PVR: variants seen among roughly 807,000 people sequenced by gnomAD.
PVR encodes PVR cell adhesion molecule.
Under a neutral mutation model 43.3 loss-of-function variants are expected in PVR, and 39 were observed. That is an observed-to-expected ratio of 0.90 (90% CI 0.70 to 1.18). PVR has a LOEUF of 1.18. Among genes scored for constraint, PVR ranks in the 50% most tolerant of loss-of-function variants. The pLI, the probability that PVR is intolerant of heterozygous loss-of-function variation, is 0.00. For synonymous variants in PVR, 224 were observed against 233.2 expected (o/e 0.96, Z 0.36); for missense variants, 480 against 549.7 (o/e 0.87, Z 1.27).
chr19:44,657,786 T>C lies in PVR; in HGVS notation c.867T>C (p.Phe289=). 6.2e-7 allele frequency: 1 copy of C among 1,614,146 alleles called. No homozygotes were observed. Among genetic ancestry groups the C allele is most frequent in the Non-Finnish European group, 8.5e-7 (1 of 1,180,002 alleles). ...GGACCATGGGTCCCCTGCCACCCTTTGCTGTGGCCCAGGGCGCCCAGCTCC... is the reference window on the plus strand; with the variant it reads ...GGACCATGGGTCCCCTGCCACCCTTCGCTGTGGCCCAGGGCGCCCAGCTCC... ...WSTTMGPLPP[F]AVAQGAQLLI... The change falls in exon 5 of 8, where the codon TTT becomes TTC. Residue 289 remains phenylalanine (F), a synonymous_variant. Coordinates refer to ENST00000425690, the MANE Select transcript of PVR (RefSeq NM_006505.5).
chr19:44,649,933 C>T lies in PVR; in HGVS notation c.552C>T (p.Gly184=), dbSNP rs528582977. Residue 184 remains glycine (G), a synonymous_variant, in exon 3 of 8, where the codon GGC becomes GGT. Coordinates refer to ENST00000425690, the MANE Select transcript of PVR (RefSeq NM_006505.5). ...PAQITWHSDL[G]GMPNTSQVPG... is the part of the protein sequence containing the mutation. The stretch of plus-strand genomic sequence containing the variant: ...AAATCACCTGGCACTCAGACCTGGG[C>T]GGGATGCCCAATACGAGCCAGGTGC... 68 of 1,612,150 alleles carry T rather than the reference C, an allele frequency of 4.2e-5. No homozygotes were observed. The Middle Eastern group carries it at 5.0e-4, about 12-fold the overall frequency.
intron 2 of PVR, 73 bp from the exon 3 acceptor site, chr19:44,649,730 TCCTGTA>T: frequency 1.3e-6 from 2 of 1,489,786 alleles, no homozygotes; most frequent in Admixed American, 3.5e-5. Context: ...AACCATGCCA[TCCTGTA>T]CCCTTAATGA....
chr19:44,650,139 C>T (rs1973240060), intron 3 of PVR, 34 bp downstream of exon 3: 1 of 1,493,818 alleles, frequency 6.7e-7, no homozygotes, highest in South Asian at 1.4e-5. Context: ...GGCAAGAACC[C>T]CTGCCGGGCT....
At chr19:44,650,823 A>G (rs1382846452) in intron 3 of PVR, among the ~76,000 whole-genome samples, 3 of 151,812 alleles carry the variant, frequency 2.0e-5, no homozygotes, top group African/African-American at 4.8e-5. Context: ...TCAGCCTCCC[A>G]AAGTATGCTG....
At chr19:44,647,085 C>CCCCCCCACCCCA in intron 1 of PVR, 138 bp from the exon 2 acceptor site, 1 of 395,086 alleles carries the variant, frequency 2.5e-6, no homozygotes, top group Non-Finnish European at 4.4e-6. Context: ...GTTCCCCCTC[C>CCCCCCCACCCCA]CCCCACACCC....
chr19:44,657,808 C>T lies in PVR; in HGVS notation c.889C>T (p.Leu297Phe), dbSNP rs746583126. The change falls in exon 5 of 8, where the codon CTC (leucine) becomes TTC (phenylalanine). Residue 297 changes from leucine to phenylalanine, a missense_variant. Leu to Phe is a conservative substitution (Grantham distance 22, BLOSUM62 0). Coordinates refer to ENST00000425690, the MANE Select transcript of PVR (RefSeq NM_006505.5). ...CTTTGCTGTGGCCCAGGGCGCCCAGCTCCTGATCCGTCCTGTGGACAAACC... is the reference window on the plus strand; with the variant it reads ...CTTTGCTGTGGCCCAGGGCGCCCAGTTCCTGATCCGTCCTGTGGACAAACC... The part of the protein sequence containing the change: ...PPFAVAQGAQ[L>F]LIRPVDKPIN... 79 of 1,613,986 alleles carry T rather than the reference C, an allele frequency of 4.9e-5. No homozygotes were observed. Among genetic ancestry groups the T allele is most frequent in the Non-Finnish European group, 5.9e-5 (70 of 1,179,998 alleles).
intron 4 of PVR, among the ~76,000 whole-genome samples, chr19:44,656,775 G>C (rs946231440): frequency 6.6e-6 from 1 of 152,108 alleles, no homozygotes; most frequent in African/African-American, 2.4e-5. Context: ...TTCAAGACCA[G>C]CCTGGCCAAC....
rs978216974 is a variant in PVR, at chr19:44,647,514, T to C, written c.371T>C (p.Leu124Pro). 4.3e-6 allele frequency: 7 copies of C among 1,613,892 alleles called. 1 individual carries two copies. The African/African-American group carries it at 8.0e-5, about 18-fold the overall frequency. The change falls in exon 2 of 8, where the codon CTG becomes CCG. Residue 124 changes from leucine (L) to proline (P), a missense_variant. By Grantham distance (98) the Leu-to-Pro change is moderately conservative (BLOSUM62 -3). Coordinates refer to ENST00000425690, the MANE Select transcript of PVR (RefSeq NM_006505.5). ...GAGGATGAAGGCAACTACACCTGCC[T>C]GTTCGTCACGTTCCCGCAGGGCAGC... ...RVEDEGNYTCLFVTFPQGSRS... is the reference protein window; with the variant it reads ...RVEDEGNYTCPFVTFPQGSRS...
chr19:44,648,198 A>G (rs564941897), intron 2 of PVR, among the ~76,000 whole-genome samples: 4 of 152,184 alleles, frequency 2.6e-5, no homozygotes, highest in Non-Finnish European at 5.9e-5. Context: ...TGAGGCACAG[A>G]CTTGCCCAAG....
chr19:44,665,470 T>C lies in PVR; in HGVS notation c.*3659T>C, dbSNP rs1973690342. 6.6e-6 allele frequency: 1 copy of C among 151,694 alleles called. No homozygotes were observed. 9.4% of individuals were successfully genotyped at this position (151,694 alleles called of 1,614,324 possible). On this transcript the variant is annotated 3_prime_UTR_variant, in exon 8 of 8. Transcript: ENST00000425690. ...AAGACCAGACCATAGTGAAACCGTG[T>C]CTCTACAAAAAAAATTAGCCAGGTG...
chr19:44,647,649 G>A (rs1246044797), intron 2 of PVR, 79 bp downstream of exon 2: 3 of 1,198,922 alleles, frequency 2.5e-6, no homozygotes, highest in Non-Finnish European at 3.5e-6. Context: ...AAAGAGCGGG[G>A]AGGCCTGGGA....
chr19:44,644,529 C>G (rs1973021820), intron 1 of PVR, among the ~76,000 whole-genome samples: 1 of 151,944 alleles, frequency 6.6e-6, no homozygotes, highest in South Asian at 2.1e-4. Context: ...TGACGCATGC[C>G]GGATTACCTT....
rs1237765464 is a variant in PVR at position 44,653,901 on chromosome 19, C to A, written c.726C>A (p.Tyr242Ter). Residue 242 changes from tyrosine (Y) to a stop codon, truncating the protein, a stop_gained and splice_region_variant, in exon 4 of 8, where the codon TAC becomes TAA. Coordinates refer to ENST00000425690, the MANE Select transcript of PVR (RefSeq NM_006505.5). LOFTEE classifies it high-confidence loss of function. ...QLLTVNLTVY[Y>*]PPEVSISGYD... ...AACCTCTGTATCCATTTCCTGCAGA[C>A]CCCCCAGAGGTATCCATCTCTGGCT... 6.2e-7 allele frequency: 1 copy of A among 1,604,736 alleles called. No individual in the cohort carries two copies. The highest frequency in any genetic ancestry group is 8.5e-7 in the Non-Finnish European group (1 of 1,171,602).
rs189340981 is a variant in PVR, at chr19:44,655,890, G to C, written c.843-1872G>C. Among the ~76,000 whole-genome samples, 620 of 96,254 alleles carry C rather than the reference G, an allele frequency of 6.4e-3. 3 individuals are homozygous for C. Among genetic ancestry groups the C allele is most frequent in the African/African-American group, 0.022 (590 of 27,422 alleles). 63.1% of individuals were successfully genotyped at this position (96,254 alleles called of 152,430 possible). On this transcript the variant is annotated intron_variant, in intron 4 of 7. Coordinates refer to ENST00000425690, the MANE Select transcript of PVR (RefSeq NM_006505.5). ...TTTTTTTTTTTTTTTTTTTTTTTGA[G>C]GCAGGGCCTCACTCTGTTGCTCAGG...
rs371697904 is a variant in PVR at position 44,653,964 on chromosome 19, C to A, written c.789C>A (p.Thr263=). The A allele has an allele frequency of 2.7e-5, 43 of 1,614,088 alleles. No individual in the cohort carries two copies. In the African/African-American group the frequency reaches 5.1e-4, roughly 19 times the overall value. The change falls in exon 4 of 8, where the codon ACC becomes ACA. Residue 263 remains threonine (T), a synonymous_variant. Coordinates refer to ENST00000425690, the MANE Select transcript of PVR (RefSeq NM_006505.5). ...GGTACCTTGGCCAGAATGAGGCCAC[C>A]CTGACCTGCGATGCTCGCAGCAACC... ...NNWYLGQNEA[T]LTCDARSNPE...
At position 44,655,973 on chromosome 19, in the gene PVR, G is replaced by A. The variant is rs118189106; in HGVS notation, c.843-1789G>A. Among the ~76,000 whole-genome samples the A allele has an allele frequency of 6.7e-5, 10 of 149,024 alleles. No individual in the cohort carries two copies. In the East Asian group the frequency reaches 1.8e-3, roughly 27 times the overall value. On this transcript the variant is annotated intron_variant, in intron 4 of 7. Coordinates refer to ENST00000425690, the MANE Select transcript of PVR (RefSeq NM_006505.5). The stretch of plus-strand genomic sequence containing the variant: ...CAGCCTTGAATTCCTGGGCTCAAGC[G>A]ATCCTCCAGCTTCAGCCTCCCAGAT...
rs1246870227 is a variant in PVR at position 44,654,215 on chromosome 19, A to T, written c.842+198A>T. ...GGGGCTGGGGGTCTGGACCCCTGGG[A>T]CTGAGAGAGGAGGGGCTGGGCCTGG... is the stretch of plus-strand genomic sequence containing the variant. On this transcript the variant is annotated intron_variant, in intron 4 of 7. Transcript: ENST00000425690. Among the ~76,000 whole-genome samples, 300 of 127,360 alleles carry T rather than the reference A, an allele frequency of 2.4e-3. 1 individual carries two copies. The highest frequency in any genetic ancestry group is 8.9e-3 in the African/African-American group (265 of 29,666). 83.6% of individuals were successfully genotyped at this position (127,360 alleles called of 152,430 possible). A position where few individuals can be genotyped will look rare whatever the true frequency, so the allele number is the denominator to read the frequency against.
intron 1 of PVR, 51 bp downstream of exon 1, chr19:44,644,226 C>T (rs1973011107): frequency 1.4e-6 from 2 of 1,394,598 alleles, no homozygotes; most frequent in Non-Finnish European, 1.9e-6. Context: ...CCCAGCTCCG[C>T]ATCCAGGCCG....
chr19:44,646,526 A>C (rs1331332499), intron 1 of PVR, among the ~76,000 whole-genome samples: 1 of 152,168 alleles, frequency 6.6e-6, no homozygotes, highest in Non-Finnish European at 1.5e-5. Flanking sequence ...GCACTTTGGG[A>C]GGCCGTAGTG....
Sources: allele counts gnomAD v4.1 joint callset (sites outside exome capture counted in the v4.1 genomes callset), GRCh38; gene constraint gnomAD v4.1.1; transcripts MANE v1.5; gene names NCBI Gene and HGNC (gene_info 2026-07-23, HGNC 2026-07-21).